The following TUBGCP3 variants were observed in gnomAD, a reference collection of about 807,000 sequenced individuals.
The protein encoded by TUBGCP3 is tubulin gamma complex component 3.
In TUBGCP3, 50 loss-of-function variants were observed where a neutral mutation model predicts 123.1. The ratio of observed to expected loss-of-function variants is 0.41; its 90% CI spans 0.32 to 0.51. The LOEUF (loss-of-function observed/expected upper bound fraction) is 0.51. Among genes scored for constraint, TUBGCP3 ranks in the 20% least tolerant of loss-of-function variants. The pLI, the probability that TUBGCP3 is intolerant of heterozygous loss-of-function variation, is 0.36. For missense variants in TUBGCP3, 882 were observed against 1,127.0 expected, an observed-to-expected ratio of 0.78 and a Z score of 3.11; for synonymous variants, 405 against 413.9, an observed-to-expected ratio of 0.98 and a Z score of 0.26.
chr13:112,536,151 C>T lies in TUBGCP3; in HGVS notation c.1336-8667G>A, dbSNP rs1371690257. Reference sequence around the variant, plus strand: ...TGCCAGTATCACATTGTTTTGATTACCTTGCATTGTAGCATGTTTTAAAAT... The same window carrying T: ...TGCCAGTATCACATTGTTTTGATTATCTTGCATTGTAGCATGTTTTAAAAT... On this transcript the variant is annotated intron_variant, in intron 11 of 21. Coordinates refer to ENST00000261965, the MANE Select transcript of TUBGCP3 (RefSeq NM_006322.6). 2.6e-5 allele frequency among the ~76,000 whole-genome samples: 4 copies of T among 152,348 alleles called. No homozygotes were observed. In the East Asian group the frequency reaches 7.7e-4, roughly 29 times the overall value.
In TUBGCP3 at chr13:112,519,312, C is replaced by T. The variant is rs184443323; in HGVS notation, c.1882-269G>A. Among the ~76,000 whole-genome samples, 32 of 152,260 alleles carry T rather than the reference C, an allele frequency of 2.1e-4. No individual in the cohort carries two copies. Among genetic ancestry groups the T allele is most frequent in the African/African-American group, 6.5e-4 (27 of 41,542 alleles). ...AAAATTCATCACCATTTGCTTACGA[C>T]GAAAACCCACTGCCTCTAAATATGT... On this transcript the variant is annotated intron_variant, in intron 15 of 21. Transcript: ENST00000261965. The surrounding 1 kb of genome is among the most constrained non-coding windows in gnomAD (Gnocchi z 6.2).
chr13:112,591,500 A>C (rs1882882195), upstream of TUBGCP3, among the ~76,000 whole-genome samples: 1 of 152,242 alleles, frequency 6.6e-6, no homozygotes, highest in Non-Finnish European at 1.5e-5. Context: ...GCCATTGCCC[A>C]TGAAACAAAC....
In TUBGCP3 at chr13:112,505,328, T is replaced by C. The variant is rs542114603; in HGVS notation, c.2087-614A>G. Among the ~76,000 whole-genome samples, 3 of 152,350 alleles carry C rather than the reference T, an allele frequency of 2.0e-5. No individual in the cohort carries two copies. In the East Asian group the frequency reaches 5.8e-4, roughly 29 times the overall value. On this transcript the variant is annotated intron_variant, in intron 17 of 21. Coordinates refer to ENST00000261965, the MANE Select transcript of TUBGCP3 (RefSeq NM_006322.6). ...CTATGGCAGCATATTGTTACACTAA[T>C]GTATGTGATGGCTAAATCAGAGCTA...
At chr13:112,598,471 A>G in the TUBGCP3 span, among the ~76,000 whole-genome samples, 1 of 152,090 alleles carries the variant, frequency 6.6e-6, no homozygotes, top group Non-Finnish European at 1.5e-5. Context: ...CATAACAAAA[A>G]TAACTCACCA....
At chr13:112,572,167 T>C (rs1175713518) in intron 1 of TUBGCP3, among the ~76,000 whole-genome samples, 1 of 152,222 alleles carries the variant, frequency 6.6e-6, no homozygotes, top group Admixed American at 6.5e-5. Context: ...TCTCAGCTTT[T>C]GGCATGCCTT....
rs1407929692 is a variant in TUBGCP3, at chr13:112,560,416, C to T, written c.253-1017G>A. 5.3e-5 allele frequency among the ~76,000 whole-genome samples: 8 copies of T among 149,646 alleles called. No homozygotes were observed. In the East Asian group the frequency reaches 7.8e-4, roughly 15 times the overall value. ...CTGCACTCCAGCCTGGGCGACAGAG[C>T]GAGACTCCGTCTCAAAAAAAAAAAA... On this transcript the variant is annotated intron_variant, in intron 3 of 21. Transcript: ENST00000261965.
chr13:112,516,339 G>T, intron 17 of TUBGCP3, 101 bp downstream of exon 17: 1 of 1,257,472 alleles, frequency 8.0e-7, no homozygotes, highest in Non-Finnish European at 1.0e-6. Context: ...CTGTCACCGT[G>T]AGTCTACCTT....
chr13:112,578,302 G>A (rs1881997324), intron 1 of TUBGCP3, among the ~76,000 whole-genome samples: 1 of 151,986 alleles, frequency 6.6e-6, no homozygotes, highest in Non-Finnish European at 1.5e-5. Flanking sequence ...GCTCACGCCT[G>A]TAATCCCAGC....
intron 3 of TUBGCP3, among the ~76,000 whole-genome samples, chr13:112,563,208 C>T (rs904834490): frequency 1.3e-5 from 2 of 152,190 alleles, no homozygotes; most frequent in Admixed American, 6.5e-5. Flanking sequence ...AGCAAACATT[C>T]GACTGCACCT....
At chr13:112,561,501 G>A (rs1340513841) in intron 3 of TUBGCP3, among the ~76,000 whole-genome samples, 11 of 152,180 alleles carry the variant, frequency 7.2e-5, no homozygotes, top group South Asian at 4.1e-4. Context: ...ACTCCAAAAC[G>A]GACAAACGAG....
the TUBGCP3 span, among the ~76,000 whole-genome samples, chr13:112,599,862 A>G: frequency 6.6e-6 from 1 of 151,954 alleles, no homozygotes; most frequent in East Asian, 1.9e-4. Context: ...TACCATTTTT[A>G]TACCATTTTA....
chr13:112,590,135 CCGGGCTAATTTTTTGTATTTTTAGT>C (rs1882855693), upstream of TUBGCP3, among the ~76,000 whole-genome samples: 2 of 152,216 alleles, frequency 1.3e-5, no homozygotes, highest in African/African-American at 2.4e-5. Flanking sequence ...CGCCACCATG[CCGGGCTAATTTTTTGTATTTTTAGT>C]AGAGACGGGG....
the TUBGCP3 span, among the ~76,000 whole-genome samples, chr13:112,601,517 T>A: frequency 2.0e-5 from 3 of 152,164 alleles, no homozygotes; most frequent in Non-Finnish European, 4.4e-5. Context: ...CTGGATGAGG[T>A]AACGAGAAGT....
At chr13:112,525,966 CAG>C (rs1222800575) in intron 13 of TUBGCP3, among the ~76,000 whole-genome samples, 4 of 152,104 alleles carry the variant, frequency 2.6e-5, no homozygotes, top group Admixed American at 2.0e-4. Flanking sequence ...TAAGGTGTAT[CAG>C]AGAGTAATTC....
At chr13:112,594,373 C>T in the TUBGCP3 span, among the ~76,000 whole-genome samples, 2 of 152,156 alleles carry the variant, frequency 1.3e-5, no homozygotes, top group South Asian at 2.1e-4. Flanking sequence ...AGAAAAAATC[C>T]ATATGACCTT....
rs776911213 is a variant in TUBGCP3 at position 112,547,549 on chromosome 13, G to A, written c.1168+71C>T. On this transcript the variant is annotated intron_variant, in intron 10 of 21. Transcript: ENST00000261965. ...TGGGAAAGACGTGCATGGGAAAGTC[G>A]CGCGTGGGAAAGTCGCGCGTGGGAA... 6.3e-5 allele frequency: 54 copies of A among 857,588 alleles called. No individual in the cohort carries two copies. The East Asian group carries it at 1.3e-3, about 21-fold the overall frequency. 53.1% of individuals were successfully genotyped at this position (857,588 alleles called of 1,614,324 possible). A position where few individuals can be genotyped will look rare whatever the true frequency, so the allele number is the denominator to read the frequency against.
chr13:112,527,309 G>A, intron 12 of TUBGCP3, 65 bp downstream of exon 12: 1 of 1,244,770 alleles, frequency 8.0e-7, no homozygotes, highest in Non-Finnish European at 1.1e-6. Flanking sequence ...AATTGGTTTT[G>A]TCACATAATC....
At position 112,527,438 on chromosome 13, in the gene TUBGCP3, T is replaced by C; in HGVS notation, c.1382A>G (p.His461Arg). ...CGATTTCCTCAAAGTATACTTGTCG[T>C]GCCACAGTCGATCTGTTTTAACTGT... ...DPTVKTDRLW[H>R]DKYTLRKSMI... Residue 461 changes from histidine to arginine, a missense_variant, in exon 12 of 22, where the codon CAC (histidine) becomes CGC (arginine). His to Arg is a conservative substitution (Grantham distance 29). Coordinates refer to ENST00000261965, the MANE Select transcript of TUBGCP3 (RefSeq NM_006322.6). 1 of 1,610,394 alleles carries C rather than the reference T, an allele frequency of 6.2e-7. No homozygotes were observed. Among genetic ancestry groups the C allele is most frequent in the Middle Eastern group, 1.7e-4 (1 of 6,038 alleles).
chr13:112,499,089 T>G lies in TUBGCP3; in HGVS notation c.2404A>C (p.Arg802=), dbSNP rs1393740301. The change falls in exon 20 of 22, where the codon AGA becomes CGA. Residue 802 remains arginine (R), a synonymous_variant. Transcript: ENST00000261965. The part of the protein sequence containing the change: ...IYRAALEELQ[R]RLQFEEKKKQ... ...TTTTTCTCTTCAAACTGTAATCGTC[T>G]CTGCAATTCTTCCAGAGCAGCTCTG... The G allele has an allele frequency of 6.2e-7, 1 of 1,614,082 alleles. No individual in the cohort carries two copies. The highest frequency in any genetic ancestry group is 1.7e-5 in the Admixed American group (1 of 60,002).
Sources: allele counts gnomAD v4.1 joint callset (sites outside exome capture counted in the v4.1 genomes callset), GRCh38; gene constraint gnomAD v4.1.1; non-coding constraint Gnocchi (gnomAD v3.1); transcripts MANE v1.5; gene names NCBI Gene and HGNC (gene_info 2026-07-23, HGNC 2026-07-21).